The following DMD variants were observed in gnomAD, a reference collection of about 807,000 sequenced individuals.
DMD encodes mutant dystrophin.
In DMD, 63 loss-of-function variants were observed where a neutral mutation model predicts 330.1. The ratio of observed to expected loss-of-function variants is 0.19; its 90% CI spans 0.16 to 0.24. The LOEUF (loss-of-function observed/expected upper bound fraction) is 0.24, where lower values mean the gene tolerates loss of function less well. DMD is among the 10% of genes least tolerant of loss of function. The pLI is 1.00. For synonymous variants in DMD, 1,223 were observed against 959.8 expected, an observed-to-expected ratio of 1.27 and a Z score of -5.07; for missense variants, 3,344 against 2,684.1, an observed-to-expected ratio of 1.25 and a Z score of -5.43.
intron 44 of DMD, among the ~76,000 whole-genome samples, chrX:32,037,058 C>A (rs1417335270): frequency 9.0e-6 from 1 of 111,275 alleles, no homozygotes; most frequent in African/African-American, 3.3e-5. Flanking sequence ...GATGTGGAGA[C>A]AACAAATATA....
At chrX:32,186,859 AG>A (rs751827172) in intron 44 of DMD, among the ~76,000 whole-genome samples, 1 of 111,182 alleles carries the variant, frequency 9.0e-6, no homozygotes, top group East Asian at 2.8e-4. Flanking sequence ...AGAGTAAAGA[AG>A]ATTCATTGTA....
At chrX:32,471,306 A>T in intron 22 of DMD, among the ~76,000 whole-genome samples, 1 of 112,187 alleles carries the variant, frequency 8.9e-6, no homozygotes, top group Non-Finnish European at 1.9e-5. Flanking sequence ...GAAAAGTATT[A>T]TAAAATCTCT....
intron 1 of DMD, among the ~76,000 whole-genome samples, chrX:33,162,525 T>C (rs2048817433): frequency 9.0e-6 from 1 of 111,551 alleles, no homozygotes; most frequent in African/African-American, 3.3e-5. Context: ...GCAGATTTAA[T>C]GGGAATTGAC....
chrX:32,350,694 AC>A (rs1004370855), intron 37 of DMD, among the ~76,000 whole-genome samples: 2 of 110,628 alleles, frequency 1.8e-5, no homozygotes, highest in African/African-American at 6.6e-5. Flanking sequence ...TGTTTCAAAA[AC>A]CTTTCTTTCA....
At chrX:32,643,569 AAT>A (rs1178101114) in intron 11 of DMD, among the ~76,000 whole-genome samples, 1 of 111,391 alleles carries the variant, frequency 9.0e-6, no homozygotes, top group Non-Finnish European at 1.9e-5. Context: ...CTTTATAAGA[AAT>A]ATGTCATTTT....
chrX:32,447,296 A>C (rs73619090), intron 27 of DMD, among the ~76,000 whole-genome samples: 61 of 110,156 alleles, frequency 5.5e-4, no homozygotes, highest in Non-Finnish European at 8.2e-4. Flanking sequence ...CATAACACTG[A>C]TACATAAGAT....
intron 44 of DMD, among the ~76,000 whole-genome samples, chrX:32,120,761 G>A (rs2096631446): frequency 8.9e-6 from 1 of 111,832 alleles, no homozygotes; most frequent in Admixed American, 9.5e-5. Flanking sequence ...AACTTCCAGG[G>A]TTACTTGCAA....
chrX:32,317,214 T>G (rs1188368257), intron 41 of DMD, among the ~76,000 whole-genome samples: 1 of 111,634 alleles, frequency 9.0e-6, no homozygotes, highest in Non-Finnish European at 1.9e-5. Context: ...TTATTTTCAT[T>G]TTTAACCATA....
intron 2 of DMD, among the ~76,000 whole-genome samples, chrX:32,858,889 T>C (rs2081831150): frequency 9.0e-6 from 1 of 111,148 alleles, no homozygotes; most frequent in Admixed American, 9.6e-5. Flanking sequence ...GTAACCCAAG[T>C]TTCAGAAGCA....
intron 1 of DMD, among the ~76,000 whole-genome samples, chrX:33,303,609 T>A (rs188965811): frequency 1.2e-4 from 13 of 111,504 alleles, no homozygotes; most frequent in Admixed American, 1.1e-3. Flanking sequence ...GGGAGATAAC[T>A]GAATCATGGG....
intron 1 of DMD, among the ~76,000 whole-genome samples, chrX:33,037,161 G>C (rs757980780): frequency 1.8e-4 from 20 of 111,374 alleles, no homozygotes; most frequent in African/African-American, 5.9e-4. Flanking sequence ...TTCAAATTTG[G>C]TATAAGTTAT....
At chrX:32,736,054 TCAAA>T (rs1388586730) in intron 7 of DMD, among the ~76,000 whole-genome samples, 10 of 111,092 alleles carry the variant, frequency 9.0e-5, no homozygotes, top group African/African-American at 3.3e-4. Context: ...TACAATGAAC[TCAAA>T]CAAATTTACA....
intron 45 of DMD, among the ~76,000 whole-genome samples, chrX:31,962,809 G>GA (rs1315458170): frequency 9.0e-6 from 1 of 111,156 alleles, no homozygotes; most frequent in Admixed American, 9.6e-5. Context: ...CTGGCAATGA[G>GA]AAAAAAAGGA....
intron 2 of DMD, among the ~76,000 whole-genome samples, chrX:32,879,021 A>ACAAAC (rs1557109750): frequency 2.0e-5 from 2 of 101,766 alleles, no homozygotes; most frequent in African/African-American, 7.1e-5. Context: ...AAAAAAACAA[A>ACAAAC]AAACAAAAAA....
rs769594095 is a variant in DMD, at chrX:31,505,911, C to T, written c.8390+1370G>A. Among the ~76,000 whole-genome samples the T allele has an allele frequency of 9.8e-5, 11 of 111,768 alleles. No individual in the cohort carries two copies. In the East Asian group the frequency reaches 3.1e-3, roughly 31 times the overall value. On this transcript the variant is annotated intron_variant, in intron 56 of 78. Coordinates refer to ENST00000357033, the MANE Select transcript of DMD (RefSeq NM_004006.3). ...CCTCCCAAAGTGCTGGGATTACAGG[C>T]GTGAGCCACTACGCCTGGCCCACCC...
intron 44 of DMD, among the ~76,000 whole-genome samples, chrX:31,994,522 A>C (rs201861996): frequency 2.7e-5 from 3 of 111,678 alleles, no homozygotes; most frequent in East Asian, 2.8e-4. Context: ...TCAAACTAAT[A>C]ACCCTACGTA....
chrX:31,805,795 A>AT (rs1297496029), intron 50 of DMD, among the ~76,000 whole-genome samples: 2 of 112,130 alleles, frequency 1.8e-5, no homozygotes, highest in Non-Finnish European at 3.8e-5. Flanking sequence ...GATAAGAAAT[A>AT]TTTTTTCCCC....
chrX:32,387,716 C>A (rs1399549619), intron 32 of DMD, among the ~76,000 whole-genome samples: 1 of 110,319 alleles, frequency 9.1e-6, no homozygotes, highest in Non-Finnish European at 1.9e-5. Context: ...TTACTTTTTT[C>A]TTAGAAGATA....
intron 44 of DMD, among the ~76,000 whole-genome samples, chrX:32,203,990 G>A (rs2097052847): frequency 9.0e-6 from 1 of 111,150 alleles, no homozygotes; most frequent in East Asian, 2.8e-4. Flanking sequence ...AGTTTAATTA[G>A]AGCTCTACTC....
Sources: gnomAD v4.1 joint callset for allele counts (sites outside exome capture counted in the v4.1 genomes callset) on GRCh38, gnomAD v4.1.1 for gene constraint, MANE v1.5 for transcripts, NCBI Gene and HGNC (gene_info 2026-07-23, HGNC 2026-07-21) for gene names.